FOXN1: variants seen among roughly 807,000 people sequenced by gnomAD.
The protein encoded by FOXN1 is forkhead box protein N1.
In FOXN1, 15 loss-of-function variants were observed where a neutral mutation model predicts 49.0. The ratio of observed to expected loss-of-function variants is 0.31; its 90% CI spans 0.20 to 0.47. FOXN1 has a LOEUF of 0.47. Ranked by LOEUF, FOXN1 falls within the 20% of genes least tolerant of loss-of-function variation. FOXN1 has a pLI of 1.00. For missense variants in FOXN1, 800 were observed against 842.8 expected (o/e 0.95, Z 0.63); for synonymous variants, 356 against 369.0 (o/e 0.96, Z 0.40).
At chr17:28,514,240 G>A (rs1011627898) in intron 1 of FOXN1, among the ~76,000 whole-genome samples, 21 of 152,210 alleles carry the variant, frequency 1.4e-4, no homozygotes, top group East Asian at 3.9e-4. Context: ...TGCAGGTGTC[G>A]GTGGCTCACA....
At chr17:28,528,884 G>A (rs936273451) in intron 4 of FOXN1, among the ~76,000 whole-genome samples, 2 of 152,170 alleles carry the variant, frequency 1.3e-5, no homozygotes, top group African/African-American at 4.8e-5. Context: ...GGAGGAAGAG[G>A]GTTTTAAGGC....
intron 5 of FOXN1, among the ~76,000 whole-genome samples, chr17:28,529,882 A>G (rs1318671700): frequency 1.3e-5 from 2 of 152,162 alleles, no homozygotes; most frequent in Non-Finnish European, 2.9e-5. Flanking sequence ...GAAAGGCAGG[A>G]TCATTCACTG....
Position 28,537,905 on chromosome 17 carries a change from C to A in FOXN1, c.*469C>A, listed in dbSNP as rs915256773. On this transcript the variant is annotated 3_prime_UTR_variant, in exon 9 of 9. Coordinates refer to ENST00000579795, the MANE Select transcript of FOXN1 (RefSeq NM_001369369.1). Reference sequence around the variant, plus strand: ...GTGCCAGGCCAAAGATCCCCCCAGACCCCCATTCTGACATCCACATGCTCT... The same window carrying A: ...GTGCCAGGCCAAAGATCCCCCCAGAACCCCATTCTGACATCCACATGCTCT... The A allele has an allele frequency of 9.1e-6, 2 of 220,114 alleles. No homozygotes were observed. The highest frequency in any genetic ancestry group is 1.8e-5 in the Non-Finnish European group (2 of 109,558). The allele number at this position is 220,114 out of a possible 1,614,324, so 13.6% of individuals were successfully genotyped here.
In FOXN1 at chr17:28,538,569, C is replaced by T. The variant is rs892663082; in HGVS notation, c.*1133C>T. The T allele has an allele frequency of 6.6e-6, 1 of 152,204 alleles. No individual in the cohort carries two copies. Among genetic ancestry groups the T allele is most frequent in the African/African-American group, 2.4e-5 (1 of 41,450 alleles). 9.4% of individuals were successfully genotyped at this position (152,204 alleles called of 1,614,324 possible). On this transcript the variant is annotated 3_prime_UTR_variant, in exon 9 of 9. Coordinates refer to ENST00000579795, the MANE Select transcript of FOXN1 (RefSeq NM_001369369.1). ...TTGAGGAGCACCTGTTAGTTACTTC[C>T]AACTGTCTCAGGCAACCTGGGCATT...
chr17:28,530,389 C>T (rs995248250), intron 5 of FOXN1, among the ~76,000 whole-genome samples: 2 of 152,166 alleles, frequency 1.3e-5, no homozygotes, highest in Non-Finnish European at 2.9e-5. Flanking sequence ...TGACAGCTTC[C>T]GTTTAATGAG....
intron 6 of FOXN1, among the ~76,000 whole-genome samples, chr17:28,532,847 C>T (rs1331156383): frequency 6.6e-6 from 1 of 152,202 alleles, no homozygotes; most frequent in African/African-American, 2.4e-5. Context: ...GCCCTGGCAT[C>T]CCAAAGTCAC....
intron 1 of FOXN1, among the ~76,000 whole-genome samples, chr17:28,511,897 CTGTT>C (rs1555607075): frequency 6.6e-6 from 1 of 152,150 alleles, no homozygotes. Flanking sequence ...TCCAACATCC[CTGTT>C]GGTCTCACAG....
At chr17:28,516,460 A>G (rs1162719048) in intron 1 of FOXN1, among the ~76,000 whole-genome samples, 1 of 150,712 alleles carries the variant, frequency 6.6e-6, no homozygotes, top group African/African-American at 2.5e-5. Context: ...CCACACCTCC[A>G]CAGGGTACAC....
intron 1 of FOXN1, among the ~76,000 whole-genome samples, chr17:28,513,606 T>C (rs2151476558): frequency 6.6e-6 from 1 of 152,312 alleles, no homozygotes; most frequent in East Asian, 1.9e-4. Flanking sequence ...TCCTGTGGCA[T>C]TTATGGGGCA....
Position 28,516,335 on chromosome 17 carries a change from A to G in FOXN1, c.-14-7621A>G, listed in dbSNP as rs571375876. On this transcript the variant is annotated intron_variant, in intron 1 of 8. Transcript: ENST00000579795. ...GGATCCACACCTCCACAAGGTACACACCTCCACAGGTTACACACCTCCACA... is the reference window on the plus strand; with the variant it reads ...GGATCCACACCTCCACAAGGTACACGCCTCCACAGGTTACACACCTCCACA... Among the ~76,000 whole-genome samples the G allele has an allele frequency of 3.5e-4, 53 of 151,510 alleles. 2 individuals carry two copies. The South Asian group carries it at 8.3e-3, about 24-fold the overall frequency.
At chr17:28,519,279 G>C (rs2069592160) in intron 1 of FOXN1, among the ~76,000 whole-genome samples, 1 of 151,838 alleles carries the variant, frequency 6.6e-6, no homozygotes, top group Non-Finnish European at 1.5e-5. Flanking sequence ...TGCAGTGAGT[G>C]ATGATTGTGC....
chr17:28,521,506 G>A (rs1474185462), intron 1 of FOXN1, among the ~76,000 whole-genome samples: 5 of 152,258 alleles, frequency 3.3e-5, no homozygotes, highest in Non-Finnish European at 1.5e-5. Flanking sequence ...TGCGGAGCGG[G>A]AGGTGGGCTG....
At chr17:28,536,818 G>T (rs1385276248) in intron 8 of FOXN1, among the ~76,000 whole-genome samples, 2 of 152,122 alleles carry the variant, frequency 1.3e-5, no homozygotes, top group African/African-American at 2.4e-5. Flanking sequence ...CACAACATTG[G>T]CATCCATGCT....
chr17:28,516,786 GGGTACACATCTCC>G (rs2069515304), intron 1 of FOXN1, among the ~76,000 whole-genome samples: 1 of 105,960 alleles, frequency 9.4e-6, no homozygotes, highest in Non-Finnish European at 2.1e-5. Context: ...TACCTCAAAA[GGGTACACATCTCC>G]ACAGGGTACA....
rs773246383 is a variant in FOXN1, at chr17:28,529,183, T to C, written c.789T>C (p.Asp263=). Residue 263 remains aspartate, a synonymous_variant, in exon 5 of 9, where the codon GAT becomes GAC. Coordinates refer to ENST00000579795, the MANE Select transcript of FOXN1 (RefSeq NM_001369369.1). ...GAATGGCACCCCAGGCCAGCACCGA[T>C]GGGCACCAGCCTCTCTTCCCAAAAC... ...YQRMAPQAST[D]GHQPLFPKPI... 6.2e-7 allele frequency: 1 copy of C among 1,614,132 alleles called. No individual in the cohort carries two copies. The highest frequency in any genetic ancestry group is 2.2e-5 in the East Asian group (1 of 44,878).
chr17:28,510,961 C>T (rs2069383715), intron 1 of FOXN1, among the ~76,000 whole-genome samples: 1 of 152,178 alleles, frequency 6.6e-6, no homozygotes, highest in Non-Finnish European at 1.5e-5. Context: ...CAGGAAAATG[C>T]CCCCAGAGCC....
chr17:28,527,337 C>T lies in FOXN1; in HGVS notation c.675C>T (p.Cys225=), dbSNP rs547559375. ...AGCCTCCCTTGCAGCATATGTACTG[C>T]TCCTCCCAGCCCCCCTTCCACCAGG... ...CYQPPLQHMY[C]SSQPPFHQYS... Residue 225 remains cysteine, a synonymous_variant, in exon 4 of 9, where the codon TGC becomes TGT. Coordinates refer to ENST00000579795, the MANE Select transcript of FOXN1 (RefSeq NM_001369369.1). The T allele has an allele frequency of 1.6e-5, 26 of 1,612,432 alleles. No homozygotes were observed. In the East Asian group the frequency reaches 5.6e-4, roughly 35 times the overall value.
At chr17:28,510,723 C>T (rs966159260) in intron 1 of FOXN1, among the ~76,000 whole-genome samples, 7 of 152,222 alleles carry the variant, frequency 4.6e-5, no homozygotes, top group African/African-American at 1.7e-4. Context: ...GCAGTGTCCC[C>T]AGCTTCCTCT....
intron 1 of FOXN1, among the ~76,000 whole-genome samples, chr17:28,506,949 G>C (rs2069274126): frequency 6.6e-6 from 1 of 152,230 alleles, no homozygotes; most frequent in Non-Finnish European, 1.5e-5. Context: ...CTGGGGTCTA[G>C]ATGCCTGGGC....
Sources: allele counts gnomAD v4.1 joint callset (sites outside exome capture counted in the v4.1 genomes callset), GRCh38; gene constraint gnomAD v4.1.1; transcripts MANE v1.5; gene names NCBI Gene and HGNC (gene_info 2026-07-23, HGNC 2026-07-21).